Variants in PTPRK observed in about 807,000 individuals in gnomAD.
The protein encoded by PTPRK is receptor-type tyrosine-protein phosphatase kappa.
In PTPRK, 75 loss-of-function variants were observed where a neutral mutation model predicts 178.0. The observed-to-expected ratio is 0.42, with a 90% confidence interval of 0.35 to 0.51. The LOEUF (loss-of-function observed/expected upper bound fraction) is 0.51, where lower values mean the gene tolerates loss of function less well. PTPRK is among the 20% of genes least tolerant of loss of function. The pLI is 0.02. For missense variants in PTPRK, 1,441 were observed against 1,797.8 expected, an observed-to-expected ratio of 0.80 and a Z score of 3.59; for synonymous variants, 637 against 620.6, an observed-to-expected ratio of 1.03 and a Z score of -0.39.
At chr6:127,989,784 G>A (rs1377080241) in intron 21 of PTPRK, among the ~76,000 whole-genome samples, 1 of 149,896 alleles carries the variant, frequency 6.7e-6, no homozygotes. Flanking sequence ...TAATAGGCTT[G>A]TTAACAATTG....
intron 7 of PTPRK, among the ~76,000 whole-genome samples, chr6:128,106,331 C>T (rs1389856791): frequency 6.6e-6 from 1 of 151,868 alleles, no homozygotes; most frequent in African/African-American, 2.4e-5. Context: ...TTTTCTTTCC[C>T]CAAACCCAAT....
chr6:128,138,971 T>C (rs79526186), intron 7 of PTPRK, among the ~76,000 whole-genome samples: 1 of 152,062 alleles, frequency 6.6e-6, no homozygotes, highest in South Asian at 2.1e-4. Context: ...AAATGAAGTA[T>C]GGTGTATAGG....
At chr6:128,472,714 C>A in intron 1 of PTPRK, 1 of 350,180 alleles carries the variant, frequency 2.9e-6, no homozygotes, top group Admixed American at 3.4e-5. Flanking sequence ...CCAACTGTAA[C>A]AATATTCTCT....
chr6:128,385,948 A>G (rs1838650806), intron 2 of PTPRK, among the ~76,000 whole-genome samples: 1 of 152,192 alleles, frequency 6.6e-6, no homozygotes, highest in Non-Finnish European at 1.5e-5. Flanking sequence ...GAGATAAATA[A>G]TTAGTTAAAT....
intron 3 of PTPRK, among the ~76,000 whole-genome samples, chr6:128,250,463 C>A (rs562601862): frequency 1.8e-4 from 28 of 152,272 alleles, no homozygotes; most frequent in African/African-American, 6.7e-4. Flanking sequence ...ACAGTCAGGG[C>A]TCAAAGAGTC....
rs116948730 is a variant in PTPRK, at chr6:128,495,018, A to G, written c.100+25241T>C. 5.1e-3 allele frequency among the ~76,000 whole-genome samples: 777 copies of G among 152,364 alleles called. 6 individuals carry two copies. Among genetic ancestry groups the G allele is most frequent in the Non-Finnish European group, 8.0e-3 (547 of 68,036 alleles). ...ATGTGTTCATTTTCTAAGACAAACC[A>G]CTAAAGAAAATATAAGAATTTTAAA... On this transcript the variant is annotated intron_variant, in intron 1 of 29. Transcript: ENST00000368226.
chr6:128,460,407 T>C (rs986775527), intron 1 of PTPRK, among the ~76,000 whole-genome samples: 1 of 151,928 alleles, frequency 6.6e-6, no homozygotes, highest in Non-Finnish European at 1.5e-5. Context: ...CAGGGCATGG[T>C]GATGCATGCC....
chr6:128,436,621 T>A (rs74904836), intron 1 of PTPRK, among the ~76,000 whole-genome samples: 5 of 152,068 alleles, frequency 3.3e-5, no homozygotes, highest in Non-Finnish European at 7.4e-5. Flanking sequence ...TAAAATGATA[T>A]GCTGAGAACT....
At chr6:128,169,783 ATGT>A (rs1799964883) in intron 7 of PTPRK, among the ~76,000 whole-genome samples, 1 of 145,434 alleles carries the variant, frequency 6.9e-6, no homozygotes, top group Non-Finnish European at 1.5e-5. Flanking sequence ...TATTTTTTTA[ATGT>A]GTGTGTGTGT....
intron 7 of PTPRK, among the ~76,000 whole-genome samples, chr6:128,133,866 A>G (rs1253122273): frequency 3.3e-5 from 5 of 152,154 alleles, no homozygotes; most frequent in Non-Finnish European, 7.3e-5. Context: ...GAAAGATTTT[A>G]AACAACAAGA....
chr6:128,158,444 A>G (rs1371352712), intron 7 of PTPRK, among the ~76,000 whole-genome samples: 1 of 151,900 alleles, frequency 6.6e-6, no homozygotes, highest in Non-Finnish European at 1.5e-5. Context: ...AGGAAATGAC[A>G]ACTTTTTAAG....
At chr6:128,147,931 C>A (rs1030816592) in intron 7 of PTPRK, among the ~76,000 whole-genome samples, 2 of 152,020 alleles carry the variant, frequency 1.3e-5, no homozygotes, top group Non-Finnish European at 2.9e-5. Context: ...TGTACAGATT[C>A]TTTCTTATTG....
At chr6:128,487,300 T>C (rs1853084506) in intron 1 of PTPRK, among the ~76,000 whole-genome samples, 1 of 150,864 alleles carries the variant, frequency 6.6e-6, no homozygotes. Context: ...CCTCCAGGAC[T>C]GTGTTGGGCT....
intron 2 of PTPRK, among the ~76,000 whole-genome samples, chr6:128,381,590 T>G (rs1443351350): frequency 6.6e-6 from 1 of 152,136 alleles, no homozygotes; most frequent in African/African-American, 2.4e-5. Context: ...GAGGCAAATA[T>G]TATTCATTCA....
chr6:128,351,967 C>T (rs1833205398), intron 2 of PTPRK, among the ~76,000 whole-genome samples: 1 of 151,804 alleles, frequency 6.6e-6, no homozygotes, highest in South Asian at 2.1e-4. Context: ...TGAAATATTC[C>T]ATTAGTAGGC....
intron 2 of PTPRK, among the ~76,000 whole-genome samples, chr6:128,368,997 A>G (rs1835903305): frequency 6.6e-6 from 1 of 152,116 alleles, no homozygotes; most frequent in Admixed American, 6.6e-5. Context: ...AAATCACCCA[A>G]GAGCTAAACT....
chr6:127,992,812 T>A, intron 18 of PTPRK, 103 bp from the exon 19 acceptor site: 1 of 931,134 alleles, frequency 1.1e-6, no homozygotes, highest in Non-Finnish European at 1.6e-6. Context: ...GATTAAGTTA[T>A]AATAAAAAGT....
At chr6:127,975,582 T>G (rs1468280275) in intron 27 of PTPRK, among the ~76,000 whole-genome samples, 1 of 152,220 alleles carries the variant, frequency 6.6e-6, no homozygotes, top group East Asian at 1.9e-4. Flanking sequence ...AGAGTAATGT[T>G]TCTCTCTAAA....
At chr6:128,464,674 T>TATATATATATATATATAC (rs1407701569) in intron 1 of PTPRK, among the ~76,000 whole-genome samples, 4 of 124,756 alleles carry the variant, frequency 3.2e-5, no homozygotes, top group African/African-American at 9.3e-5. Flanking sequence ...TATATATATA[T>TATATATATATATATATAC]ACAACAGATG....
Sources: gnomAD v4.1 joint callset for allele counts (sites outside exome capture counted in the v4.1 genomes callset) on GRCh38, gnomAD v4.1.1 for gene constraint, MANE v1.5 for transcripts, NCBI Gene and HGNC (gene_info 2026-07-23, HGNC 2026-07-21) for gene names.